The following MYOC variants were observed in gnomAD, a reference collection of about 807,000 sequenced individuals.
The protein encoded by MYOC is myocilin.
In MYOC, 29 loss-of-function variants were observed where a neutral mutation model predicts 28.2. The ratio of observed to expected loss-of-function variants is 1.03; its 90% CI spans 0.77 to 1.40. The LOEUF (loss-of-function observed/expected upper bound fraction) is 1.40. MYOC is among the 40% of genes most tolerant of loss of function. MYOC has a pLI of 0.00. For synonymous variants in MYOC, 240 were observed against 245.6 expected (o/e 0.98, Z 0.21); for missense variants, 569 against 620.6 (o/e 0.92, Z 0.88).
rs556295068 is a variant in MYOC, at chr1:171,641,145, G to A, written c.605-2423C>T. Reference sequence around the variant, plus strand: ...TCGGGGAGGCTGTGCATGTGTGGGGGCCAGTAGTATCTGGGAACTGTTTGT... The same window carrying A: ...TCGGGGAGGCTGTGCATGTGTGGGGACCAGTAGTATCTGGGAACTGTTTGT... On this transcript the variant is annotated intron_variant, in intron 1 of 2. Transcript: ENST00000037502. 3.3e-5 allele frequency among the ~76,000 whole-genome samples: 5 copies of A among 152,198 alleles called. No individual in the cohort carries two copies. In the East Asian group the frequency reaches 9.7e-4, roughly 29 times the overall value.
intron 1 of MYOC, among the ~76,000 whole-genome samples, chr1:171,651,358 A>ACC (rs1352224060): frequency 7.1e-6 from 1 of 140,634 alleles, no homozygotes; most frequent in Non-Finnish European, 1.6e-5. Context: ...CCCCACACAC[A>ACC]CACAGACTCA....
chr1:171,639,929 G>A (rs961732352), intron 1 of MYOC, among the ~76,000 whole-genome samples: 1 of 109,186 alleles, frequency 9.2e-6, no homozygotes, highest in Non-Finnish European at 1.7e-5. Flanking sequence ...GGGCAACAGA[G>A]CAAGACTCTG....
At chr1:171,644,771 C>T (rs1282265729) in intron 1 of MYOC, among the ~76,000 whole-genome samples, 1 of 152,140 alleles carries the variant, frequency 6.6e-6, no homozygotes. Context: ...TTAAGTGTCT[C>T]TTATGAGCCA....
chr1:171,642,887 T>TAAA (rs151128602), intron 1 of MYOC, among the ~76,000 whole-genome samples: 4,672 of 126,008 alleles, frequency 0.037, 143 homozygotes, highest in Non-Finnish European at 0.056. Flanking sequence ...TAGTCTATGT[T>TAAA]TAAAAAAAAA....
At chr1:171,639,946 G>GGAA (rs1448617483) in intron 1 of MYOC, among the ~76,000 whole-genome samples, 1 of 46,974 alleles carries the variant, frequency 2.1e-5, no homozygotes, top group Non-Finnish European at 3.6e-5. Flanking sequence ...TCTGTCTCAA[G>GGAA]AAAAAAAAAA....
chr1:171,636,713 G>A lies in MYOC; in HGVS notation c.731-4C>T. ...ACCCAAACTAGTTCTCCACATCCTG[G>A]TAAATTCAGAAAAGAAAACGAAGCA... On this transcript the variant is annotated splice_region_variant and splice_polypyrimidine_tract_variant and intron_variant, in intron 2 of 2. Coordinates refer to ENST00000037502, the MANE Select transcript of MYOC (RefSeq NM_000261.2). 2 of 1,600,574 alleles carry A rather than the reference G, an allele frequency of 1.2e-6. No homozygotes were observed. The highest frequency in any genetic ancestry group is 1.7e-4 in the Middle Eastern group (1 of 6,060).
intron 2 of MYOC, among the ~76,000 whole-genome samples, chr1:171,637,888 C>T (rs1044041840): frequency 6.6e-6 from 1 of 152,216 alleles, no homozygotes; most frequent in African/African-American, 2.4e-5. Flanking sequence ...GCTGGGATTA[C>T]AGGCATGAGC....
intron 1 of MYOC, among the ~76,000 whole-genome samples, chr1:171,646,791 A>C (rs1002405162): frequency 3.3e-5 from 5 of 152,090 alleles, no homozygotes; most frequent in Admixed American, 3.3e-4. Context: ...CACCACGCCC[A>C]GCTGTTTTTT....
At position 171,636,723 on chromosome 1, in the gene MYOC, A is replaced by G. The variant is rs1441125589; in HGVS notation, c.731-14T>C. The G allele has an allele frequency of 6.3e-7, 1 of 1,599,980 alleles. No individual in the cohort carries two copies. The highest frequency in any genetic ancestry group is 1.1e-5 in the South Asian group (1 of 91,076). ...GTTCTCCACATCCTGGTAAATTCAGAAAAGAAAACGAAGCACCACTTAATC... is the reference window on the plus strand; with the variant it reads ...GTTCTCCACATCCTGGTAAATTCAGGAAAGAAAACGAAGCACCACTTAATC... On this transcript the variant is annotated splice_polypyrimidine_tract_variant and intron_variant, in intron 2 of 2. Transcript: ENST00000037502.
At chr1:171,637,876 G>A (rs548741641) in intron 2 of MYOC, among the ~76,000 whole-genome samples, 1 of 152,070 alleles carries the variant, frequency 6.6e-6, no homozygotes, top group Non-Finnish European at 1.5e-5. Context: ...GCCTCCCAAA[G>A]TGCTGGGATT....
Position 171,652,064 on chromosome 1 carries a change from C to A in MYOC, c.548G>T (p.Gly183Val). The A allele has an allele frequency of 6.2e-7, 1 of 1,614,176 alleles. No homozygotes were observed. The highest frequency in any genetic ancestry group is 8.5e-7 in the Non-Finnish European group (1 of 1,180,030). Residue 183 changes from glycine to valine, a missense_variant, in exon 1 of 3, where the codon GGC (glycine) becomes GTC (valine). Gly to Val is a moderately radical substitution (Grantham distance 109). Transcript: ENST00000037502. ...AGTGTCTCGGGTCTGGGGACACTGGCCCCTTCTCAGCCTTGCTACCTCCTG... is the reference window on the plus strand; with the variant it reads ...AGTGTCTCGGGTCTGGGGACACTGGACCCTTCTCAGCCTTGCTACCTCCTG... Reference protein sequence around the residue: ...SSQEVARLRRGQCPQTRDTAR... With the variant: ...SSQEVARLRRVQCPQTRDTAR...
Position 171,636,664 on chromosome 1 carries a change from G to C in MYOC, c.776C>G (p.Thr259Arg), listed in dbSNP as rs1572210991. ...ATACTTGCCAGTAATTGTTTCTGCTGTTCTCAGCGTGAGAGGCTCTCCTAC... is the reference window on the plus strand; with the variant it reads ...ATACTTGCCAGTAATTGTTTCTGCTCTTCTCAGCGTGAGAGGCTCTCCTAC... ...VWVGEPLTLR[T>R]AETITGKYGV... Residue 259 changes from threonine (T) to arginine (R), a missense_variant, in exon 3 of 3, where the codon ACA becomes AGA. Coordinates refer to ENST00000037502, the MANE Select transcript of MYOC (RefSeq NM_000261.2). The C allele has an allele frequency of 6.2e-7, 1 of 1,607,252 alleles. No individual in the cohort carries two copies. The highest frequency in any genetic ancestry group is 8.5e-7 in the Non-Finnish European group (1 of 1,180,002).
intron 1 of MYOC, among the ~76,000 whole-genome samples, chr1:171,645,793 T>C (rs1210914781): frequency 6.6e-6 from 1 of 152,194 alleles, no homozygotes; most frequent in East Asian, 1.9e-4. Context: ...TCAGTTCTTC[T>C]ACCCTCACTG....
At chr1:171,642,721 C>T (rs934005035) in intron 1 of MYOC, among the ~76,000 whole-genome samples, 1 of 152,028 alleles carries the variant, frequency 6.6e-6, no homozygotes, top group African/African-American at 2.4e-5. Flanking sequence ...GGGAGTACCC[C>T]CCGGGACATG....
At chr1:171,637,048 T>C (rs954359280) in intron 2 of MYOC, among the ~76,000 whole-genome samples, 4 of 152,244 alleles carry the variant, frequency 2.6e-5, no homozygotes, top group Non-Finnish European at 4.4e-5. Context: ...TTTCATGTTA[T>C]TGACAATTAT....
chr1:171,641,136 T>G (rs1653069198), intron 1 of MYOC, among the ~76,000 whole-genome samples: 1 of 152,050 alleles, frequency 6.6e-6, no homozygotes, highest in South Asian at 2.1e-4. Context: ...AGGCTGTGCA[T>G]GTGTGGGGGC....
intron 1 of MYOC, among the ~76,000 whole-genome samples, chr1:171,645,223 GTTC>G (rs1653172369): frequency 6.6e-6 from 1 of 152,174 alleles, no homozygotes; most frequent in South Asian, 2.1e-4. Context: ...CCAGAGCGAA[GTTC>G]TTCTGTGACC....
chr1:171,640,082 TAA>T (rs57155423), intron 1 of MYOC, among the ~76,000 whole-genome samples: 198 of 146,390 alleles, frequency 1.4e-3, no homozygotes, highest in Non-Finnish European at 1.3e-3. Flanking sequence ...AGACTCCTGT[TAA>T]AAAAAAAAAA....
At position 171,639,652 on chromosome 1, in the gene MYOC, C is replaced by CAAAAAAAA. The variant is rs3980587; in HGVS notation, c.605-938_605-931dup. 1.7e-3 allele frequency among the ~76,000 whole-genome samples: 195 copies of CAAAAAAAA among 115,256 alleles called. 1 individual carries two copies. Among genetic ancestry groups the CAAAAAAAA allele is most frequent in the African/African-American group, 5.3e-3 (152 of 28,646 alleles). The allele number at this position is 115,256 out of a possible 152,430, so 75.6% of individuals were successfully genotyped here. On this transcript the variant is annotated intron_variant, in intron 1 of 2. Coordinates refer to ENST00000037502, the MANE Select transcript of MYOC (RefSeq NM_000261.2). ...AGAGCAAGGCCCGGTCTCAAGGTCT[C>CAAAAAAAA]AAAAAAAAAAAAAAAGAGACCGGGC...
Sources: allele counts gnomAD v4.1 joint callset (sites outside exome capture counted in the v4.1 genomes callset), GRCh38; gene constraint gnomAD v4.1.1; transcripts MANE v1.5; gene names NCBI Gene and HGNC (gene_info 2026-07-23, HGNC 2026-07-21).